PLEKHH2: variants seen among roughly 807,000 people sequenced by gnomAD.
The protein encoded by PLEKHH2 is pleckstrin homology, MyTH4 and FERM domain containing H2, also known as pleckstrin homology domain-containing family H member 2.
Under a neutral mutation model 187.9 loss-of-function variants are expected in PLEKHH2, and 129 were observed. The observed-to-expected ratio is 0.69, with a 90% CI of 0.59 to 0.79. PLEKHH2 has a LOEUF of 0.79. PLEKHH2 is among the 30% of genes least tolerant of loss of function. PLEKHH2 has a pLI of 0.00. For synonymous variants in PLEKHH2, 686 were observed against 605.6 expected (o/e 1.13, Z -1.95); for missense variants, 2,076 against 1,751.2 (o/e 1.19, Z -3.31).
rs201024970 is a variant in PLEKHH2 at position 43,682,473 on chromosome 2, A to AT, written c.186+3554dup. 5.9e-5 allele frequency among the ~76,000 whole-genome samples: 9 copies of AT among 151,872 alleles called. No homozygotes were observed. In the South Asian group the frequency reaches 6.3e-4, roughly 11 times the overall value. ...AGGCACCCACCACCACGCCTGGCTAATTTTTTGTATTTTTAGAGAGATGGG... is the reference window on the plus strand; with the variant it reads ...AGGCACCCACCACCACGCCTGGCTAATTTTTTTGTATTTTTAGAGAGATGGG... On this transcript the variant is annotated intron_variant, in intron 3 of 29. Coordinates refer to ENST00000282406, the MANE Select transcript of PLEKHH2 (RefSeq NM_172069.4).
chr2:43,740,881 C>G, intron 20 of PLEKHH2, 65 bp from the exon 21 acceptor site: 1 of 1,583,550 alleles, frequency 6.3e-7, no homozygotes, highest in Non-Finnish European at 8.6e-7. Flanking sequence ...GCCCATTGCA[C>G]TCACTCAGAT....
intron 11 of PLEKHH2, 74 bp from the exon 12 acceptor site, chr2:43,709,916 A>T: frequency 7.3e-7 from 1 of 1,363,256 alleles, no homozygotes; most frequent in Non-Finnish European, 1.0e-6. Context: ...TGCATTCTGT[A>T]GGAGCACTCA....
intron 17 of PLEKHH2, among the ~76,000 whole-genome samples, chr2:43,727,904 A>G (rs774230858): frequency 6.6e-6 from 1 of 152,204 alleles, no homozygotes; most frequent in Non-Finnish European, 1.5e-5. Flanking sequence ...CTGATGAACA[A>G]CTTACTGAGG....
intron 2 of PLEKHH2, among the ~76,000 whole-genome samples, chr2:43,649,111 A>T (rs1666344823): frequency 1.3e-5 from 2 of 152,176 alleles, no homozygotes; most frequent in African/African-American, 4.8e-5. Context: ...GTGAAGAAAA[A>T]GGCCTTATTG....
Position 43,743,842 on chromosome 2 carries a change from T to G in PLEKHH2, c.3408T>G (p.Gly1136=). Residue 1136 remains glycine (G), a synonymous_variant, in exon 23 of 30, where the codon GGT becomes GGG. Coordinates refer to ENST00000282406, the MANE Select transcript of PLEKHH2 (RefSeq NM_172069.4). ...TTGTTATTTCTGTCTAGGTAGTTGG[T>G]TTTGACGCATCTACCACAGTGGAAG... The part of the protein sequence containing the change: ...HFMNGIYQVV[G]FDASTTVEEF... 1 of 1,613,016 alleles carries G rather than the reference T, an allele frequency of 6.2e-7. No homozygotes were observed. Among genetic ancestry groups the G allele is most frequent in the South Asian group, 1.1e-5 (1 of 90,916 alleles).
rs1006357732 is a variant in PLEKHH2 at position 43,714,702 on chromosome 2, A to G, written c.2460+2319A>G. On this transcript the variant is annotated intron_variant, in intron 15 of 29. Transcript: ENST00000282406. ...TATATAAAAATTCAGTTCTTTAAAA[A>G]ACGAAAATGTATTACGCAGTTACCA... Among the ~76,000 whole-genome samples the G allele has an allele frequency of 2.6e-5, 4 of 152,312 alleles. No individual in the cohort carries two copies. The East Asian group carries it at 7.7e-4, about 29-fold the overall frequency.
At position 43,707,420 on chromosome 2, in the gene PLEKHH2, G is replaced by A. The variant is rs779393457; in HGVS notation, c.1841G>A (p.Ser614Asn). 7 of 1,614,034 alleles carry A rather than the reference G, an allele frequency of 4.3e-6. No homozygotes were observed. Among genetic ancestry groups the A allele is most frequent in the Non-Finnish European group, 5.9e-6 (7 of 1,179,988 alleles). Reference protein sequence around the residue: ...TLKGKATQISSSPFLDDSSGS... With the variant: ...TLKGKATQISNSPFLDDSSGS... Reference sequence around the variant, plus strand: ...CTTTAGAAGGCGACCCAAATAAGTAGCAGCCCTTTCCTGGATGACTCATCT... The same window carrying A: ...CTTTAGAAGGCGACCCAAATAAGTAACAGCCCTTTCCTGGATGACTCATCT... Residue 614 changes from serine (S) to asparagine (N), a missense_variant, in exon 11 of 30, where the codon AGC (serine) becomes AAC (asparagine). Physicochemically the swap from Ser to Asn is conservative, Grantham distance 46 (BLOSUM62 1). Coordinates refer to ENST00000282406, the MANE Select transcript of PLEKHH2 (RefSeq NM_172069.4).
chr2:43,730,292 A>G (rs1670975714), intron 18 of PLEKHH2, among the ~76,000 whole-genome samples: 1 of 152,218 alleles, frequency 6.6e-6, no homozygotes, highest in South Asian at 2.1e-4. Context: ...CTCATCAGCT[A>G]TCATTAGTGT....
At chr2:43,644,482 G>A (rs1666094593) in intron 1 of PLEKHH2, among the ~76,000 whole-genome samples, 189 bp from the exon 2 acceptor site, 1 of 152,042 alleles carries the variant, frequency 6.6e-6, no homozygotes, top group South Asian at 2.1e-4. Context: ...TTCCCATTAA[G>A]TTCTTTCCAT....
chr2:43,712,497 G>A, intron 15 of PLEKHH2, 114 bp downstream of exon 15: 1 of 1,235,390 alleles, frequency 8.1e-7, no homozygotes, highest in Non-Finnish European at 1.1e-6. Flanking sequence ...ATGATCTTGG[G>A]GATAGGAAAG....
At chr2:43,680,835 G>T in intron 3 of PLEKHH2, 1 of 467,660 alleles carries the variant, frequency 2.1e-6, no homozygotes, top group South Asian at 2.5e-5. Context: ...GTATTTGCTT[G>T]ACTTATTTGA....
intron 2 of PLEKHH2, among the ~76,000 whole-genome samples, chr2:43,657,044 AT>A (rs1666810177): frequency 1.6e-5 from 1 of 60,728 alleles, no homozygotes. Flanking sequence ...ACAAAACAAA[AT>A]AAAACAAAAA....
At chr2:43,683,770 A>G (rs1668358915) in intron 3 of PLEKHH2, among the ~76,000 whole-genome samples, 1 of 147,588 alleles carries the variant, frequency 6.8e-6, no homozygotes, top group Non-Finnish European at 1.5e-5. Flanking sequence ...ATGTCTAGTT[A>G]TCTCTCTCTC....
At chr2:43,749,085 T>G (rs1671904592) in intron 24 of PLEKHH2, among the ~76,000 whole-genome samples, 1 of 152,212 alleles carries the variant, frequency 6.6e-6, no homozygotes, top group African/African-American at 2.4e-5. Context: ...CTAAACCTTA[T>G]GAATGCTTAA....
In PLEKHH2 at chr2:43,743,838, T is replaced by C. The variant is rs1167732190; in HGVS notation, c.3404T>C (p.Val1135Ala). 5.0e-6 allele frequency: 8 copies of C among 1,611,990 alleles called. No individual in the cohort carries two copies. In the Admixed American group the frequency reaches 1.3e-4, roughly 27 times the overall value. ...TGCTTTGTTATTTCTGTCTAGGTAG[T>C]TGGTTTTGACGCATCTACCACAGTG... ...VHFMNGIYQV[V>A]GFDASTTVEE... The change falls in exon 23 of 30, where the codon GTT becomes GCT. Residue 1135 changes from valine (V) to alanine (A), a missense_variant. By Grantham distance (64) the Val-to-Ala change is moderately conservative. Coordinates refer to ENST00000282406, the MANE Select transcript of PLEKHH2 (RefSeq NM_172069.4).
At chr2:43,754,204 A>T (rs1672120863) in intron 25 of PLEKHH2, among the ~76,000 whole-genome samples, 3 of 142,108 alleles carry the variant, frequency 2.1e-5, no homozygotes, top group Admixed American at 2.0e-4. Context: ...ACACACACAC[A>T]CAAAATTAAT....
At chr2:43,722,268 A>T (rs981640629) in intron 16 of PLEKHH2, among the ~76,000 whole-genome samples, 1 of 151,936 alleles carries the variant, frequency 6.6e-6, no homozygotes, top group East Asian at 1.9e-4. Flanking sequence ...AAAAAAAAAA[A>T]AAAATGTTAA....
At chr2:43,676,150 T>G (rs1667768403) in intron 2 of PLEKHH2, 1 of 1,613,974 alleles carries the variant, frequency 6.2e-7, no homozygotes, top group South Asian at 1.1e-5. Flanking sequence ...GAGTATCACT[T>G]TTGAAGTGTT....
At chr2:43,727,720 T>A (rs912982656) in intron 17 of PLEKHH2, among the ~76,000 whole-genome samples, 4 of 152,166 alleles carry the variant, frequency 2.6e-5, no homozygotes, top group Non-Finnish European at 5.9e-5. Flanking sequence ...TTATTCCCAT[T>A]TATAGATGGA....
Sources: allele counts gnomAD v4.1 joint callset (sites outside exome capture counted in the v4.1 genomes callset), GRCh38; gene constraint gnomAD v4.1.1; transcripts MANE v1.5; gene names NCBI Gene and HGNC (gene_info 2026-07-23, HGNC 2026-07-21).